ALOX12B: variants seen among roughly 807,000 people sequenced by gnomAD.
ALOX12B encodes arachidonate 12-lipoxygenase, 12R type.
Under a neutral mutation model 78.9 loss-of-function variants are expected in ALOX12B, and 47 were observed. The ratio of observed to expected loss-of-function variants is 0.60; its 90% CI spans 0.47 to 0.76. The LOEUF is 0.76. Ranked by LOEUF, ALOX12B falls within the 30% of genes least tolerant of loss-of-function variation. ALOX12B has a pLI of 0.00. For synonymous variants in ALOX12B, 370 were observed against 374.5 expected (o/e 0.99, Z 0.14); for missense variants, 805 against 922.6 (o/e 0.87, Z 1.65).
At chr17:8,078,017 A>G (rs893372692) in intron 8 of ALOX12B, among the ~76,000 whole-genome samples, 1 of 152,184 alleles carries the variant, frequency 6.6e-6, no homozygotes, top group Admixed American at 6.5e-5. Flanking sequence ...TTTCCTTGTC[A>G]TTCCCTAAAC....
rs1280726065 is a variant in ALOX12B, at chr17:8,080,894, TG to T, written c.516del (p.Asn173ThrfsTer24). 4 of 1,613,682 alleles carry T rather than the reference TG, an allele frequency of 2.5e-6. No homozygotes were observed. Among genetic ancestry groups the T allele is most frequent in the Non-Finnish European group, 2.5e-6 (3 of 1,179,980 alleles). Reference sequence around the variant, plus strand: ...GCTTCGGGTCCTTACTCAGGCCGGTTGGGGTTGCGATGCCTCCGCACCGGAG... The same window carrying T: ...GCTTCGGGTCCTTACTCAGGCCGGTTGGGTTGCGATGCCTCCGCACCGGAG... Reference protein sequence around the residue: ...YRPPVRRHRNPNRPEWNGYIP... With the variant: ...YRPPVRRHRNXNRPEWNGYIP... On this transcript the variant is annotated frameshift_variant, in exon 4 of 15. Coordinates refer to ENST00000647874, the MANE Select transcript of ALOX12B (RefSeq NM_001139.3). LOFTEE classifies it high-confidence loss of function. The surrounding 1 kb of genome is among the most constrained non-coding windows in gnomAD (Gnocchi z 4.8).
intron 1 of ALOX12B, 118 bp from the exon 2 acceptor site, chr17:8,086,338 A>G: frequency 3.0e-6 from 3 of 1,014,742 alleles, no homozygotes; most frequent in Non-Finnish European, 4.5e-6. Flanking sequence ...ACCTCCCTGG[A>G]CTGACGGAGG....
Position 8,076,395 on chromosome 17 carries a change from C to T in ALOX12B, c.1363-51G>A, listed in dbSNP as rs1021072768. 8.4e-6 allele frequency: 13 copies of T among 1,549,636 alleles called. No homozygotes were observed. In the East Asian group the frequency reaches 2.2e-4, roughly 26 times the overall value. Reference sequence around the variant, plus strand: ...AGCCGGACAGGCATCCCTGGAACCCCTTCAGGTCCTCTAGGATCCCAGTAA... The same window carrying T: ...AGCCGGACAGGCATCCCTGGAACCCTTTCAGGTCCTCTAGGATCCCAGTAA... On this transcript the variant is annotated intron_variant, in intron 10 of 14. Coordinates refer to ENST00000647874, the MANE Select transcript of ALOX12B (RefSeq NM_001139.3).
At chr17:8,081,652 T>C in intron 2 of ALOX12B, 1 of 167,810 alleles carries the variant, frequency 6.0e-6, no homozygotes, top group Non-Finnish European at 1.3e-5. Flanking sequence ...TGTGTACACA[T>C]TTTTTTTTTA....
intron 2 of ALOX12B, among the ~76,000 whole-genome samples, chr17:8,082,276 C>T (rs1229751610): frequency 6.6e-6 from 1 of 152,086 alleles, no homozygotes; most frequent in South Asian, 2.1e-4. Flanking sequence ...TTGTTTAGCA[C>T]TTACTAGGTC....
At position 8,087,407 on chromosome 17, in the gene ALOX12B, G is replaced by C. The variant is rs746947962; in HGVS notation, c.36C>G (p.Thr12=). 3.7e-6 allele frequency: 6 copies of C among 1,614,186 alleles called. No individual in the cohort carries two copies. The South Asian group carries it at 6.6e-5, about 18-fold the overall frequency. ...ATYKVRVATG[T]DLLSGTRDSI... ...AGTCCCGTGTTCCCGACAAGAGGTCGGTGCCTGTGGCCACCCTGACTTTGT... is the reference window on the plus strand; with the variant it reads ...AGTCCCGTGTTCCCGACAAGAGGTCCGTGCCTGTGGCCACCCTGACTTTGT... Residue 12 remains threonine (T), a synonymous_variant, in exon 1 of 15, where the codon ACC becomes ACG. Transcript: ENST00000647874.
intron 13 of ALOX12B, 81 bp downstream of exon 13, chr17:8,073,576 C>T (rs140009603): frequency 4.5e-6 from 6 of 1,321,176 alleles, no homozygotes; most frequent in Non-Finnish European, 6.5e-6. Context: ...ATGGCTGAGG[C>T]TGGGTTTGAG....
At chr17:8,082,378 T>C (rs1254700972) in intron 2 of ALOX12B, among the ~76,000 whole-genome samples, 1 of 152,192 alleles carries the variant, frequency 6.6e-6, no homozygotes, top group Admixed American at 6.5e-5. Flanking sequence ...AAAAGGCCTC[T>C]GAGGAGGAAA....
In ALOX12B at chr17:8,079,023, G is replaced by A. The variant is rs910812079; in HGVS notation, c.1071+373C>T. Among the ~76,000 whole-genome samples, 1 of 150,336 alleles carries A rather than the reference G, an allele frequency of 6.7e-6. No homozygotes were observed. Among genetic ancestry groups the A allele is most frequent in the East Asian group, 2.0e-4 (1 of 5,000 alleles). On this transcript the variant is annotated intron_variant, in intron 8 of 14. Coordinates refer to ENST00000647874, the MANE Select transcript of ALOX12B (RefSeq NM_001139.3). The surrounding 1 kb of genome is among the most constrained non-coding windows in gnomAD (Gnocchi z 6.4). ...CGCCATTTTCCTGCCTCAGCCTCCC[G>A]AGTAGCTGGGACTACAGGCGCCCGC...
rs763381583 is a variant in ALOX12B at position 8,072,749 on chromosome 17, AG to A, written c.*21del. On this transcript the variant is annotated 3_prime_UTR_variant, in exon 15 of 15. Coordinates refer to ENST00000647874, the MANE Select transcript of ALOX12B (RefSeq NM_001139.3). ...AAATAGTAGGGCACAGAATGGGGAGAGGAGAGACGGGAAGCGCGCTCCTAAA... is the reference window on the plus strand; with the variant it reads ...AAATAGTAGGGCACAGAATGGGGAGAGAGAGACGGGAAGCGCGCTCCTAAA... 1.9e-6 allele frequency: 3 copies of A among 1,613,944 alleles called. 1 individual carries two copies. In the South Asian group the frequency reaches 3.3e-5, roughly 18 times the overall value.
intron 8 of ALOX12B, 131 bp from the exon 9 acceptor site, chr17:8,077,324 C>T: frequency 2.3e-6 from 2 of 874,350 alleles, no homozygotes; most frequent in Non-Finnish European, 3.6e-6. Context: ...CCACTGGTCC[C>T]CTGAGCACCC....
Position 8,079,547 on chromosome 17 carries a change from G to C in ALOX12B, c.928-8C>G, listed in dbSNP as rs1163076007. 1 of 1,550,136 alleles carries C rather than the reference G, an allele frequency of 6.5e-7. No homozygotes were observed. Among genetic ancestry groups the C allele is most frequent in the Admixed American group, 2.0e-5 (1 of 51,020 alleles). ...CAGGTAAATGTTCCCCTTCTGGAGG[G>C]GAGCCGCGATGGGTGGCAAGTAGGC... is the stretch of plus-strand genomic sequence containing the variant. On this transcript the variant is annotated splice_region_variant and splice_polypyrimidine_tract_variant and intron_variant, in intron 7 of 14. Transcript: ENST00000647874. The surrounding 1 kb of genome is among the most constrained non-coding windows in gnomAD (Gnocchi z 6.4).
At chr17:8,085,288 C>G (rs994820226) in intron 2 of ALOX12B, among the ~76,000 whole-genome samples, 8 of 152,222 alleles carry the variant, frequency 5.3e-5, no homozygotes, top group Admixed American at 3.9e-4. Context: ...TGAGACCAGC[C>G]TGGCCAACAA....
chr17:8,083,222 A>T (rs1474935564), intron 2 of ALOX12B, among the ~76,000 whole-genome samples: 4 of 152,208 alleles, frequency 2.6e-5, no homozygotes, highest in Admixed American at 6.5e-5. Flanking sequence ...TTTTATATAA[A>T]CATACACACA....
Position 8,082,262 on chromosome 17 carries a change from A to G in ALOX12B, c.353-1075T>C, listed in dbSNP as rs1327042323. Among the ~76,000 whole-genome samples the G allele has an allele frequency of 2.0e-5, 3 of 152,118 alleles. No homozygotes were observed. The East Asian group carries it at 5.8e-4, about 29-fold the overall frequency. On this transcript the variant is annotated intron_variant, in intron 2 of 14. Transcript: ENST00000647874. Reference sequence around the variant, plus strand: ...TATACCACTGAAATATTAATAACTGACAGTTGTTTAGCACTTACTAGGTCC... The same window carrying G: ...TATACCACTGAAATATTAATAACTGGCAGTTGTTTAGCACTTACTAGGTCC...
At position 8,079,334 on chromosome 17, in the gene ALOX12B, C is replaced by T; in HGVS notation, c.1071+62G>A. 1 of 1,542,926 alleles carries T rather than the reference C, an allele frequency of 6.5e-7. No homozygotes were observed. The highest frequency in any genetic ancestry group is 8.8e-7 in the Non-Finnish European group (1 of 1,142,714). On this transcript the variant is annotated intron_variant, in intron 8 of 14. Coordinates refer to ENST00000647874, the MANE Select transcript of ALOX12B (RefSeq NM_001139.3). The surrounding 1 kb of genome is among the most constrained non-coding windows in gnomAD (Gnocchi z 6.4). ...CCACACGCTCACATAAGCGCGCGCACACTCGGAGGAGCATTCGCGCACACA... is the reference window on the plus strand; with the variant it reads ...CCACACGCTCACATAAGCGCGCGCATACTCGGAGGAGCATTCGCGCACACA...
At chr17:8,081,953 C>T (rs1977226805) in intron 2 of ALOX12B, among the ~76,000 whole-genome samples, 1 of 152,180 alleles carries the variant, frequency 6.6e-6, no homozygotes, top group Non-Finnish European at 1.5e-5. Flanking sequence ...CATGTGTACA[C>T]ATTTTTTAAC....
chr17:8,076,405 T>C, intron 10 of ALOX12B, 61 bp from the exon 11 acceptor site: 1 of 1,541,196 alleles, frequency 6.5e-7, no homozygotes, highest in Non-Finnish European at 8.8e-7. Context: ...CTTCAGGTCC[T>C]CTAGGATCCC....
chr17:8,073,398 C>A, intron 13 of ALOX12B, 80 bp from the exon 14 acceptor site: 1 of 1,582,882 alleles, frequency 6.3e-7, no homozygotes, highest in South Asian at 1.1e-5. Context: ...ACCACCCGCC[C>A]TCCAGTCGCT....
Sources: gnomAD v4.1 joint callset for allele counts (sites outside exome capture counted in the v4.1 genomes callset) on GRCh38, gnomAD v4.1.1 for gene constraint, Gnocchi (gnomAD v3.1) non-coding constraint, MANE v1.5 for transcripts, NCBI Gene and HGNC (gene_info 2026-07-23, HGNC 2026-07-21) for gene names.